The following NUDT3 variants were observed in gnomAD, a reference collection of about 807,000 sequenced individuals.
NUDT3 encodes diphosphoinositol polyphosphate phosphohydrolase 1.
In NUDT3, 9 loss-of-function variants were observed where a neutral mutation model predicts 23.6. The observed-to-expected ratio is 0.38, with a 90% confidence interval of 0.23 to 0.66. The LOEUF (loss-of-function observed/expected upper bound fraction) is 0.66. Among genes scored for constraint, NUDT3 ranks in the 30% least tolerant of loss-of-function variants. The pLI is 0.52. For missense variants in NUDT3, 172 were observed against 218.5 expected, an observed-to-expected ratio of 0.79 and a Z score of 1.34; for synonymous variants, 86 against 82.6, an observed-to-expected ratio of 1.04 and a Z score of -0.22.
chr6:34,330,845 A>T (rs1764116374), intron 2 of NUDT3, among the ~76,000 whole-genome samples: 1 of 152,194 alleles, frequency 6.6e-6, no homozygotes, highest in Non-Finnish European at 1.5e-5. Flanking sequence ...AATGGAATCA[A>T]GAGGAGTTAA....
At chr6:34,381,845 C>T (rs936717039) in intron 1 of NUDT3, among the ~76,000 whole-genome samples, 5 of 151,778 alleles carry the variant, frequency 3.3e-5, no homozygotes, top group Admixed American at 6.6e-5. Context: ...GAGGCCGAGG[C>T]AGGCAGATCA....
rs1195007487 is a variant in NUDT3, at chr6:34,286,373, A to T, written c.*2380T>A. 6.6e-6 allele frequency: 1 copy of T among 152,024 alleles called. No homozygotes were observed. The highest frequency in any genetic ancestry group is 1.5e-5 in the Non-Finnish European group (1 of 68,034). The allele number at this position is 152,024 out of a possible 1,614,324, so 9.4% of individuals were successfully genotyped here. On this transcript the variant is annotated 3_prime_UTR_variant, in exon 5 of 5. Coordinates refer to ENST00000607016, the MANE Select transcript of NUDT3 (RefSeq NM_006703.4). ...TGGGATTACAGGTGTGAGCCACTAC[A>T]CCCAGCCCTGCAGTCCCTTTTTAAA...
At chr6:34,313,700 C>A (rs1410902902) in intron 2 of NUDT3, among the ~76,000 whole-genome samples, 2 of 151,970 alleles carry the variant, frequency 1.3e-5, no homozygotes, top group African/African-American at 4.8e-5. Flanking sequence ...CAGTGGCTCA[C>A]GCCTGTAATT....
At chr6:34,315,668 G>A (rs1463748096) in intron 2 of NUDT3, among the ~76,000 whole-genome samples, 1 of 152,118 alleles carries the variant, frequency 6.6e-6, no homozygotes, top group Non-Finnish European at 1.5e-5. Flanking sequence ...TGCAGTTATA[G>A]GTTTCTGTGT....
At chr6:34,291,856 G>A (rs55684754) in intron 4 of NUDT3, among the ~76,000 whole-genome samples, 14,587 of 152,130 alleles carry the variant, frequency 0.096, 807 homozygotes, top group Non-Finnish European at 0.12. Context: ...ACATTCCATC[G>A]GACACATGTC....
In NUDT3 at chr6:34,377,464, C is replaced by T. The variant is rs193289161; in HGVS notation, c.99+14800G>A. Among the ~76,000 whole-genome samples the T allele has an allele frequency of 9.4e-4, 143 of 152,152 alleles. 1 individual carries two copies. Among genetic ancestry groups the T allele is most frequent in the Non-Finnish European group, 1.3e-4 (9 of 68,020 alleles). On this transcript the variant is annotated intron_variant, in intron 1 of 4. Coordinates refer to ENST00000607016, the MANE Select transcript of NUDT3 (RefSeq NM_006703.4). Reference sequence around the variant, plus strand: ...ATTTTAAAAAATCTGGTCCTTGATACCCCCAACATTTAAAACATTAAAAAT... The same window carrying T: ...ATTTTAAAAAATCTGGTCCTTGATATCCCCAACATTTAAAACATTAAAAAT...
At chr6:34,301,879 A>G (rs1490195376) in intron 2 of NUDT3, among the ~76,000 whole-genome samples, 1 of 152,298 alleles carries the variant, frequency 6.6e-6, no homozygotes, top group Non-Finnish European at 1.5e-5. Context: ...CTGGGTCAAT[A>G]TGAGTGTGAA....
At chr6:34,379,567 A>T (rs903774758) in intron 1 of NUDT3, among the ~76,000 whole-genome samples, 2 of 152,034 alleles carry the variant, frequency 1.3e-5, no homozygotes, top group African/African-American at 4.8e-5. Context: ...CTCAAAAAAA[A>T]AAAGTAATCC....
intron 2 of NUDT3, among the ~76,000 whole-genome samples, chr6:34,305,005 CAG>C: frequency 1.1e-5 from 1 of 94,328 alleles, no homozygotes; most frequent in South Asian, 3.6e-4. Flanking sequence ...TTTTTTGAGA[CAG>C]AGTCTTGCTC....
intron 2 of NUDT3, among the ~76,000 whole-genome samples, chr6:34,324,431 G>C (rs1159254253): frequency 6.6e-6 from 1 of 151,818 alleles, no homozygotes; most frequent in Non-Finnish European, 1.5e-5. Flanking sequence ...TTTTGAGATA[G>C]GGTCTCACTT....
At position 34,392,469 on chromosome 6, in the gene NUDT3, C is replaced by A; in HGVS notation, c.-107G>T. The A allele has an allele frequency of 1.4e-6, 1 of 719,038 alleles. No individual in the cohort carries two copies. Among genetic ancestry groups the A allele is most frequent in the Admixed American group, 2.6e-5 (1 of 38,116 alleles). The allele number at this position is 719,038 out of a possible 1,614,324, so 44.5% of individuals were successfully genotyped here. ...GCGCCCCCGGCTCGGCCAAGGGAAG[C>A]AGGGAGGGGGAGCTTCTCCGCTACA... On this transcript the variant is annotated 5_prime_UTR_variant, in exon 1 of 5. Coordinates refer to ENST00000607016, the MANE Select transcript of NUDT3 (RefSeq NM_006703.4).
At chr6:34,323,937 G>T (rs140215965) in intron 2 of NUDT3, among the ~76,000 whole-genome samples, 3 of 152,124 alleles carry the variant, frequency 2.0e-5, no homozygotes, top group African/African-American at 7.2e-5. Context: ...CTAGGAACAC[G>T]TATTATTTTT....
In NUDT3 at chr6:34,382,753, C is replaced by T. The variant is rs532531691; in HGVS notation, c.99+9511G>A. 1.2e-4 allele frequency among the ~76,000 whole-genome samples: 18 copies of T among 151,884 alleles called. No individual in the cohort carries two copies. In the South Asian group the frequency reaches 3.5e-3, roughly 30 times the overall value. Reference sequence around the variant, plus strand: ...GGCTGAGGAAGGAGGATCGCTTGAGCTCAGGAGGTCAAGGCTGCAGTTAGC... The same window carrying T: ...GGCTGAGGAAGGAGGATCGCTTGAGTTCAGGAGGTCAAGGCTGCAGTTAGC... On this transcript the variant is annotated intron_variant, in intron 1 of 4. Transcript: ENST00000607016.
intron 1 of NUDT3, among the ~76,000 whole-genome samples, chr6:34,343,264 C>T (rs1561912669): frequency 6.6e-6 from 1 of 151,298 alleles, no homozygotes; most frequent in African/African-American, 2.4e-5. Flanking sequence ...AAAGATACTA[C>T]AAGAGCCAGG....
chr6:34,356,134 T>C (rs1415451620), intron 1 of NUDT3, among the ~76,000 whole-genome samples: 1 of 152,074 alleles, frequency 6.6e-6, no homozygotes, highest in African/African-American at 2.4e-5. Context: ...CTTAACAATG[T>C]AAGAAGGCCC....
At chr6:34,350,886 T>TAG (rs1764456315) in intron 1 of NUDT3, among the ~76,000 whole-genome samples, 1 of 150,440 alleles carries the variant, frequency 6.6e-6, no homozygotes, top group African/African-American at 2.5e-5. Context: ...TATGAACAGA[T>TAG]ATTCTGACAG....
intron 2 of NUDT3, among the ~76,000 whole-genome samples, chr6:34,340,412 C>T (rs1764270523): frequency 6.6e-6 from 1 of 152,184 alleles, no homozygotes; most frequent in Non-Finnish European, 1.5e-5. Context: ...CCCTCCCCTC[C>T]CTCCATGATG....
At chr6:34,293,411 T>C in intron 4 of NUDT3, 40 bp downstream of exon 4, 2 of 1,612,558 alleles carry the variant, frequency 1.2e-6, no homozygotes, top group Non-Finnish European at 1.7e-6. Context: ...CAAGGGCTGG[T>C]TGTGAGGAAC....
chr6:34,383,526 G>T (rs1340581404), intron 1 of NUDT3, among the ~76,000 whole-genome samples: 1 of 152,234 alleles, frequency 6.6e-6, no homozygotes, highest in Admixed American at 6.5e-5. Flanking sequence ...ATGCTGAGCA[G>T]TCTTATTTAT....
Sources: gnomAD v4.1 joint callset for allele counts (sites outside exome capture counted in the v4.1 genomes callset) on GRCh38, gnomAD v4.1.1 for gene constraint, MANE v1.5 for transcripts, NCBI Gene and HGNC (gene_info 2026-07-23, HGNC 2026-07-21) for gene names.